The following CNTN6 variants were observed in gnomAD, a reference collection of about 807,000 sequenced individuals.
CNTN6 encodes the protein contactin-6.
In CNTN6, 137 loss-of-function variants were observed where a neutral mutation model predicts 122.8. The observed-to-expected ratio is 1.12, with a 90% CI of 0.97 to 1.29. The LOEUF is 1.29. Ranked by LOEUF, CNTN6 falls within the 50% of genes most tolerant of loss-of-function variation. The pLI is 0.00. For missense variants in CNTN6, 1,634 were observed against 1,223.4 expected (o/e 1.34, Z -5.01); for synonymous variants, 570 against 426.0 (o/e 1.34, Z -4.16).
chr3:1,139,396 C>A (rs2092558459), intron 1 of CNTN6, among the ~76,000 whole-genome samples: 1 of 152,090 alleles, frequency 6.6e-6, no homozygotes, highest in African/African-American at 2.4e-5. Flanking sequence ...GAAATTCTTG[C>A]TTCTAGAGGA....
At chr3:1,387,981 G>A (rs1470624711) in intron 20 of CNTN6, among the ~76,000 whole-genome samples, 4 of 152,210 alleles carry the variant, frequency 2.6e-5, no homozygotes, top group Non-Finnish European at 4.4e-5. Flanking sequence ...AGCGAGGCTG[G>A]GGGAGGGGCG....
At chr3:1,110,121 T>C (rs2091411803) in intron 1 of CNTN6, among the ~76,000 whole-genome samples, 1 of 151,964 alleles carries the variant, frequency 6.6e-6, no homozygotes, top group African/African-American at 2.4e-5. Context: ...TTTTCACATC[T>C]GATATTTACA....
At chr3:1,175,562 A>ACTTT (rs76552582) in intron 2 of CNTN6, among the ~76,000 whole-genome samples, 13,593 of 152,240 alleles carry the variant, frequency 0.089, 799 homozygotes, top group Middle Eastern at 0.15. Context: ...TCCTTTTACA[A>ACTTT]ATTACTAAGG....
intron 2 of CNTN6, among the ~76,000 whole-genome samples, chr3:1,202,499 C>CAG (rs1575217760): frequency 1.3e-5 from 2 of 150,634 alleles, no homozygotes; most frequent in East Asian, 3.9e-4. Context: ...CAAGATGGCG[C>CAG]CACCGCCCTC....
chr3:1,277,896 C>A (rs1373653836), intron 4 of CNTN6, among the ~76,000 whole-genome samples: 2 of 152,122 alleles, frequency 1.3e-5, no homozygotes, highest in Non-Finnish European at 2.9e-5. Context: ...GATCATGAGC[C>A]TGCTTTGTAA....
intron 1 of CNTN6, among the ~76,000 whole-genome samples, chr3:1,135,597 C>A (rs1365736865): frequency 6.6e-6 from 1 of 151,996 alleles, no homozygotes; most frequent in African/African-American, 2.4e-5. Context: ...TATACACACA[C>A]ACATACATAA....
intron 8 of CNTN6, 80 bp from the exon 9 acceptor site, chr3:1,325,735 C>G: frequency 6.9e-7 from 1 of 1,447,074 alleles, no homozygotes. Flanking sequence ...TCCTTCTGAT[C>G]TCTACAGCCC....
intron 16 of CNTN6, among the ~76,000 whole-genome samples, chr3:1,374,994 A>G (rs1446658528): frequency 6.6e-6 from 1 of 152,104 alleles, no homozygotes; most frequent in Non-Finnish European, 1.5e-5. Context: ...ACACCAGGAT[A>G]TTAGCTGGTT....
intron 2 of CNTN6, among the ~76,000 whole-genome samples, chr3:1,169,348 C>A (rs2093318900): frequency 6.6e-6 from 1 of 152,168 alleles, no homozygotes; most frequent in African/African-American, 2.4e-5. Context: ...CATTCAGCCT[C>A]CTTGTTGTAT....
chr3:1,383,205 T>C lies in CNTN6; in HGVS notation c.2401+29T>C, dbSNP rs753729993. ...AGTTGTCCTCAACTCTGGTTTTCTTTGAGACTCTATGCATAGTTTGTGTTC... is the reference window on the plus strand; with the variant it reads ...AGTTGTCCTCAACTCTGGTTTTCTTCGAGACTCTATGCATAGTTTGTGTTC... On this transcript the variant is annotated intron_variant, in intron 18 of 22. Coordinates refer to ENST00000446702, the MANE Select transcript of CNTN6 (RefSeq NM_001289080.2). 8 of 1,597,434 alleles carry C rather than the reference T, an allele frequency of 5.0e-6. No individual in the cohort carries two copies. In the South Asian group the frequency reaches 6.6e-5, roughly 13 times the overall value.
chr3:1,224,778 C>G (rs549757268), intron 3 of CNTN6, among the ~76,000 whole-genome samples: 4 of 152,280 alleles, frequency 2.6e-5, no homozygotes, highest in Admixed American at 2.6e-4. Context: ...GACAGTCTTG[C>G]TCTGTCAGCC....
intron 7 of CNTN6, among the ~76,000 whole-genome samples, chr3:1,298,667 G>A (rs376128): frequency 0.82 from 124,096 of 152,086 alleles, 50,802 homozygotes; most frequent in East Asian, 1. Flanking sequence ...AAAAAAAGAA[G>A]GAGACAGATA....
chr3:1,180,944 G>C (rs565899974), intron 2 of CNTN6, among the ~76,000 whole-genome samples: 2 of 152,108 alleles, frequency 1.3e-5, no homozygotes, highest in East Asian at 3.9e-4. Flanking sequence ...TTCCTCACTT[G>C]TTCTTATTTT....
chr3:1,273,474 T>C (rs1219222973), intron 4 of CNTN6, among the ~76,000 whole-genome samples: 1 of 152,218 alleles, frequency 6.6e-6, no homozygotes, highest in Non-Finnish European at 1.5e-5. Context: ...CAGTCACCCT[T>C]GCCTCAGAAA....
intron 4 of CNTN6, among the ~76,000 whole-genome samples, chr3:1,257,951 A>C (rs2094786263): frequency 2.6e-5 from 4 of 152,168 alleles, no homozygotes; most frequent in Admixed American, 2.6e-4. Context: ...TAAACTAGAG[A>C]AAGTGAGTGA....
intron 5 of CNTN6, among the ~76,000 whole-genome samples, chr3:1,281,527 C>G (rs1056120474): frequency 1.3e-5 from 2 of 150,672 alleles, no homozygotes; most frequent in African/African-American, 4.9e-5. Flanking sequence ...TGCAGTGGCC[C>G]CATCTCTGCT....
At chr3:1,317,856 T>C (rs537197343) in intron 7 of CNTN6, among the ~76,000 whole-genome samples, 53 of 149,714 alleles carry the variant, frequency 3.5e-4, no homozygotes, top group African/African-American at 8.3e-4. Flanking sequence ...ATGGGGAGGA[T>C]TGGGCTTTGT....
intron 4 of CNTN6, among the ~76,000 whole-genome samples, chr3:1,258,242 T>C (rs1471975970): frequency 1.3e-5 from 2 of 152,148 alleles, no homozygotes; most frequent in Non-Finnish European, 2.9e-5. Context: ...TGAAGTTCCT[T>C]TTATCTCCTC....
At chr3:1,308,062 A>G (rs1698640972) in intron 7 of CNTN6, among the ~76,000 whole-genome samples, 1 of 152,146 alleles carries the variant, frequency 6.6e-6, no homozygotes, top group Admixed American at 6.6e-5. Context: ...ATGAGACTAT[A>G]GAATTCTTCT....
Sources: gnomAD v4.1 joint callset for allele counts (sites outside exome capture counted in the v4.1 genomes callset) on GRCh38, gnomAD v4.1.1 for gene constraint, MANE v1.5 for transcripts, NCBI Gene and HGNC (gene_info 2026-07-23, HGNC 2026-07-21) for gene names.